The following SSBP3 variants were observed in gnomAD, a reference collection of about 807,000 sequenced individuals.
The protein encoded by SSBP3 is single-stranded DNA-binding protein 3.
A neutral mutation model predicts 69.6 loss-of-function variants in SSBP3; 5 were observed. That is an observed-to-expected ratio of 0.07 (90% CI 0.04 to 0.15). SSBP3 has a LOEUF of 0.15. Among genes scored for constraint, SSBP3 ranks in the 10% least tolerant of loss-of-function variants. The pLI is 1.00. For synonymous variants in SSBP3, 196 were observed against 193.4 expected (o/e 1.01, Z -0.11); for missense variants, 312 against 534.0 (o/e 0.58, Z 4.10).
chr1:54,360,540 A>C (rs1277208848), intron 4 of SSBP3, among the ~76,000 whole-genome samples: 1 of 152,182 alleles, frequency 6.6e-6, no homozygotes. Context: ...TGACCCAGGT[A>C]AACTGGCCTG....
chr1:54,376,839 GGA>G (rs1254376808), intron 4 of SSBP3, among the ~76,000 whole-genome samples: 4 of 152,282 alleles, frequency 2.6e-5, no homozygotes, highest in African/African-American at 7.2e-5. Context: ...GCCCATCCCA[GGA>G]GTTTCTGTCC....
At chr1:54,263,533 C>T (rs1330824938) in intron 5 of SSBP3, among the ~76,000 whole-genome samples, 2 of 152,212 alleles carry the variant, frequency 1.3e-5, no homozygotes, top group Non-Finnish European at 2.9e-5. Flanking sequence ...AGTCCTGGTC[C>T]CCATCCTCCT....
At chr1:54,288,033 A>C (rs1645523696) in intron 4 of SSBP3, among the ~76,000 whole-genome samples, 1 of 152,178 alleles carries the variant, frequency 6.6e-6, no homozygotes, top group Non-Finnish European at 1.5e-5. Context: ...TCCCGGCACC[A>C]ATGGACGGCC....
At chr1:54,289,025 A>AC (rs1557499218) in intron 4 of SSBP3, among the ~76,000 whole-genome samples, 36 of 100,638 alleles carry the variant, frequency 3.6e-4, no homozygotes, top group South Asian at 3.5e-3. Flanking sequence ...GTCTCCAAAA[A>AC]AAAAAAAAAA....
At chr1:54,339,297 A>T (rs1373361367) in intron 4 of SSBP3, among the ~76,000 whole-genome samples, 4 of 152,254 alleles carry the variant, frequency 2.6e-5, no homozygotes, top group African/African-American at 9.6e-5. Flanking sequence ...CTTATTGAGG[A>T]TAATTGATGC....
At position 54,389,889 on chromosome 1, in the gene SSBP3, AT is replaced by A. The variant is rs11407049; in HGVS notation, c.276+11971del. ...GCAAGACCCTGTCTCAAAAAAAAAA[AT>A]TTTTTTTTTTTAAATTAAGAAGACA... On this transcript the variant is annotated intron_variant, in intron 4 of 17. Transcript: ENST00000610401. Among the ~76,000 whole-genome samples, 51 of 143,692 alleles carry A rather than the reference AT, an allele frequency of 3.5e-4. No individual in the cohort carries two copies. In the East Asian group the frequency reaches 6.3e-3, roughly 18 times the overall value. The allele number at this position is 143,692 out of a possible 152,430, so 94.3% of individuals were successfully genotyped here. A position where few individuals can be genotyped will look rare whatever the true frequency, so the allele number is the denominator to read the frequency against.
At chr1:54,351,234 G>GCA (rs1338260702) in intron 4 of SSBP3, among the ~76,000 whole-genome samples, 2 of 152,174 alleles carry the variant, frequency 1.3e-5, no homozygotes, top group Admixed American at 6.5e-5. Flanking sequence ...CGAAAAGTTA[G>GCA]CACAAAGTTA....
chr1:54,277,270 T>G (rs191769475), intron 5 of SSBP3, among the ~76,000 whole-genome samples: 21 of 152,166 alleles, frequency 1.4e-4, no homozygotes, highest in African/African-American at 4.6e-4. Flanking sequence ...AGAATCATTC[T>G]CACGGTGTTC....
At chr1:54,394,935 A>C (rs1648755843) in intron 4 of SSBP3, among the ~76,000 whole-genome samples, 1 of 150,486 alleles carries the variant, frequency 6.6e-6, no homozygotes, top group African/African-American at 2.4e-5. Flanking sequence ...GATCTCCTGA[A>C]CTCGTGATCC....
At chr1:54,250,182 G>A (rs1362137202) in intron 9 of SSBP3, among the ~76,000 whole-genome samples, 5 of 152,232 alleles carry the variant, frequency 3.3e-5, no homozygotes, top group Non-Finnish European at 7.3e-5. Flanking sequence ...AGCTTAAAAG[G>A]AGCTAGCAGA....
At chr1:54,405,716 G>A (rs1418440553) in intron 1 of SSBP3, among the ~76,000 whole-genome samples, 2 of 151,418 alleles carry the variant, frequency 1.3e-5, no homozygotes, top group Admixed American at 6.6e-5. Flanking sequence ...TACCCCCTCC[G>A]GCGGCTCCCC....
At chr1:54,333,137 G>C (rs1646449507) in intron 4 of SSBP3, among the ~76,000 whole-genome samples, 1 of 152,190 alleles carries the variant, frequency 6.6e-6, no homozygotes, top group Non-Finnish European at 1.5e-5. Flanking sequence ...GTCCAGGAAA[G>C]CTGACCTTGT....
chr1:54,258,215 A>C lies in SSBP3; in HGVS notation c.367-66T>G, dbSNP rs1044328515. The C allele has an allele frequency of 3.3e-5, 46 of 1,377,626 alleles. No individual in the cohort carries two copies. The highest frequency in any genetic ancestry group is 4.4e-5 in the Non-Finnish European group (46 of 1,040,424). The allele number at this position is 1,377,626 out of a possible 1,614,324, so 85.3% of individuals were successfully genotyped here. On this transcript the variant is annotated intron_variant, in intron 5 of 17. Coordinates refer to ENST00000610401, the Ensembl canonical transcript of SSBP3. This position sits in a 1 kb window ranked among gnomAD's most constrained non-coding sequence, Gnocchi z 4.5. ...ACATGGAGAAGCGCAGAAGCAGCTT[A>C]AAAGAACAAAAATTAAACCAAAACG...
At position 54,240,909 on chromosome 1, in the gene SSBP3, G is replaced by A. The variant is rs142992203; in HGVS notation, c.852C>T (p.Pro284=). The change falls in exon 13 of 18, where the codon CCC becomes CCT. Residue 284 remains proline, a synonymous_variant. Coordinates refer to ENST00000610401, the Ensembl canonical transcript of SSBP3. Reference sequence around the variant, plus strand: ...TTTCCCCTCAAGCGCTCTTACCTGCGGGACTGGGCATAATGGGTGTTCCTG... The same window carrying A: ...TTTCCCCTCAAGCGCTCTTACCTGCAGGACTGGGCATAATGGGTGTTCCTG... 29 of 1,612,430 alleles carry A rather than the reference G, an allele frequency of 1.8e-5. 1 individual carries two copies. Among genetic ancestry groups the A allele is most frequent in the Middle Eastern group, 1.6e-4 (1 of 6,072 alleles).
At chr1:54,343,993 A>C (rs1569876204) in intron 4 of SSBP3, among the ~76,000 whole-genome samples, 2 of 151,968 alleles carry the variant, frequency 1.3e-5, no homozygotes, top group East Asian at 3.9e-4. Context: ...ATCCAAGAAG[A>C]CCCGAAGGAG....
At chr1:54,239,459 C>T (rs1192952030) in intron 13 of SSBP3, among the ~76,000 whole-genome samples, 1 of 152,202 alleles carries the variant, frequency 6.6e-6, no homozygotes, top group Non-Finnish European at 1.5e-5. Context: ...TCTCCCCACC[C>T]CACACCGAAT....
intron 4 of SSBP3, among the ~76,000 whole-genome samples, chr1:54,377,476 A>G (rs1438915908): frequency 6.6e-6 from 1 of 152,256 alleles, no homozygotes; most frequent in Non-Finnish European, 1.5e-5. Context: ...AGAAAAGAGC[A>G]GGGTCACACA....
At chr1:54,298,930 A>AACACACACACACATACACAC (rs1645750048) in intron 4 of SSBP3, among the ~76,000 whole-genome samples, 1 of 137,174 alleles carries the variant, frequency 7.3e-6, no homozygotes, top group South Asian at 2.4e-4. Flanking sequence ...ACAAAAACAA[A>AACACACACACACATACACAC]ACACACACAC....
At chr1:54,395,872 A>G (rs923605997) in intron 4 of SSBP3, among the ~76,000 whole-genome samples, 4 of 152,130 alleles carry the variant, frequency 2.6e-5, no homozygotes, top group Non-Finnish European at 5.9e-5. Context: ...AAACACTGCT[A>G]AAACTCACCT....
Sources: gnomAD v4.1 joint callset for allele counts (sites outside exome capture counted in the v4.1 genomes callset) on GRCh38, gnomAD v4.1.1 for gene constraint, Gnocchi (gnomAD v3.1) non-coding constraint, MANE v1.5 for transcripts, NCBI Gene and HGNC (gene_info 2026-07-23, HGNC 2026-07-21) for gene names.